Variants in GLRA2 observed in about 807,000 individuals in gnomAD.
GLRA2 encodes glycine receptor subunit alpha-2.
A neutral mutation model predicts 31.6 loss-of-function variants in GLRA2; 11 were observed. The observed-to-expected ratio is 0.35, with a 90% CI of 0.22 to 0.58. The LOEUF (loss-of-function observed/expected upper bound fraction) is 0.58. GLRA2 is among the 20% of genes least tolerant of loss of function. The probability of loss-of-function intolerance (pLI) is 0.84; values close to 1 mark genes in which losing one functional copy is unlikely to be tolerated. For synonymous variants in GLRA2, 132 were observed against 134.0 expected (o/e 0.99, Z 0.10); for missense variants, 212 against 351.8 (o/e 0.60, Z 3.18).
chrX:14,497,963 A>T, the GLRA2 span, among the ~76,000 whole-genome samples: 1 of 111,064 alleles, frequency 9.0e-6, no homozygotes, highest in Non-Finnish European at 1.9e-5. Context: ...CACAATTACA[A>T]CTCTAATATA....
intron 4 of GLRA2, among the ~76,000 whole-genome samples, chrX:14,583,328 A>G (rs1237480875): frequency 8.9e-6 from 1 of 112,856 alleles, no homozygotes; most frequent in African/African-American, 3.2e-5. Context: ...ACCCAAAGGA[A>G]TATAAATCAT....
At chrX:14,553,850 G>A (rs1168544031) in intron 2 of GLRA2, among the ~76,000 whole-genome samples, 2 of 111,837 alleles carry the variant, frequency 1.8e-5, no homozygotes, top group African/African-American at 6.5e-5. Context: ...AGTTGCTCAT[G>A]GGACAAGGCT....
At chrX:14,549,931 A>G (rs961563458) in intron 2 of GLRA2, among the ~76,000 whole-genome samples, 4 of 111,633 alleles carry the variant, frequency 3.6e-5, no homozygotes. Flanking sequence ...TGGTTAGAAA[A>G]TCTGGAGGAG....
the GLRA2 span, among the ~76,000 whole-genome samples, chrX:14,492,613 G>A: frequency 9.0e-6 from 1 of 111,476 alleles, no homozygotes; most frequent in African/African-American, 3.3e-5. Context: ...AAGTGCTGGT[G>A]AGGATGCAGA....
chrX:14,604,801 C>T (rs751768645), intron 5 of GLRA2, among the ~76,000 whole-genome samples: 1 of 110,156 alleles, frequency 9.1e-6, no homozygotes, highest in Non-Finnish European at 1.9e-5. Flanking sequence ...TTCTTTCCAT[C>T]TTATGCCCAT....
the GLRA2 span, among the ~76,000 whole-genome samples, chrX:14,473,905 G>C: frequency 2.7e-5 from 3 of 111,907 alleles, no homozygotes; most frequent in Admixed American, 2.8e-4. Context: ...TGGAAAGTGG[G>C]GGGAAATTGA....
intron 7 of GLRA2, among the ~76,000 whole-genome samples, chrX:14,616,262 C>T (rs1034408685): frequency 1.8e-5 from 2 of 111,852 alleles, no homozygotes; most frequent in Admixed American, 1.9e-4. Context: ...TGTCTTGAGT[C>T]CTCATTTGTG....
At chrX:14,725,492 A>G (rs1384947871) in intron 8 of GLRA2, among the ~76,000 whole-genome samples, 1 of 111,894 alleles carries the variant, frequency 8.9e-6, no homozygotes, top group African/African-American at 3.2e-5. Flanking sequence ...CCCAACAGAA[A>G]GGAGGCTCAG....
At chrX:14,628,144 G>T (rs926732756) in intron 7 of GLRA2, among the ~76,000 whole-genome samples, 1 of 111,272 alleles carries the variant, frequency 9.0e-6, no homozygotes, top group African/African-American at 3.3e-5. Context: ...GGGATTGCTT[G>T]TTGGGCCAGG....
the GLRA2 span, among the ~76,000 whole-genome samples, chrX:14,454,874 T>G: frequency 5.5e-3 from 620 of 112,470 alleles, 7 homozygotes; most frequent in African/African-American, 0.019. Flanking sequence ...GACTGACATT[T>G]AAACAAAATT....
At chrX:14,696,582 A>G (rs918251498) in intron 8 of GLRA2, among the ~76,000 whole-genome samples, 2 of 111,754 alleles carry the variant, frequency 1.8e-5, no homozygotes, top group Admixed American at 1.9e-4. Context: ...AATGGATGCT[A>G]AAGTCATCAA....
chrX:14,475,264 C>A, the GLRA2 span, among the ~76,000 whole-genome samples: 1 of 112,351 alleles, frequency 8.9e-6, no homozygotes, highest in Non-Finnish European at 1.9e-5. Flanking sequence ...AGCAAGCAGG[C>A]GCAACAATAA....
chrX:14,666,440 G>C (rs2091039253), intron 7 of GLRA2, among the ~76,000 whole-genome samples: 1 of 111,816 alleles, frequency 8.9e-6, no homozygotes, highest in Non-Finnish European at 1.9e-5. Flanking sequence ...GCCCCTCTCT[G>C]ATAGCATTGA....
chrX:14,717,225 G>A (rs1218215900), intron 8 of GLRA2, among the ~76,000 whole-genome samples: 2 of 109,786 alleles, frequency 1.8e-5, no homozygotes, highest in African/African-American at 6.6e-5. Context: ...GGAGGGCCTG[G>A]GTACAGAGAG....
chrX:14,499,236 A>G, the GLRA2 span, among the ~76,000 whole-genome samples: 2 of 111,735 alleles, frequency 1.8e-5, no homozygotes, highest in Non-Finnish European at 3.8e-5. Flanking sequence ...AACAGTGTAC[A>G]AGTGTTTCCC....
chrX:14,578,252 C>G (rs2089978397), intron 3 of GLRA2, among the ~76,000 whole-genome samples: 1 of 111,610 alleles, frequency 9.0e-6, no homozygotes, highest in Non-Finnish European at 1.9e-5. Flanking sequence ...TTGTTGCTAT[C>G]CAGTCTGCCC....
chrX:14,665,191 T>G (rs1199594584), intron 7 of GLRA2, among the ~76,000 whole-genome samples: 1 of 111,895 alleles, frequency 8.9e-6, no homozygotes, highest in East Asian at 2.8e-4. Flanking sequence ...TTAAAGTAAC[T>G]TGCAAGGAGT....
At chrX:14,515,417 A>G in the GLRA2 span, among the ~76,000 whole-genome samples, 1 of 111,656 alleles carries the variant, frequency 9.0e-6, no homozygotes, top group African/African-American at 3.2e-5. Flanking sequence ...GTTTTTTTAA[A>G]TCAATTTTGA....
rs1018652225 is a variant in GLRA2 at position 14,537,439 on chromosome X, C to T, written c.202+5067C>T. On this transcript the variant is annotated intron_variant, in intron 2 of 8. Coordinates refer to ENST00000218075, the MANE Select transcript of GLRA2 (RefSeq NM_002063.4). ...TCTAGAGAGGTAAAGCTCAAGGAAG[C>T]GCCTCTCTTGGGTAGTATGGTCCAT... Among the ~76,000 whole-genome samples, 7 of 111,276 alleles carry T rather than the reference C, an allele frequency of 6.3e-5. No homozygotes were observed. The South Asian group carries it at 1.5e-3, about 24-fold the overall frequency.
Sources: allele counts gnomAD v4.1 joint callset (sites outside exome capture counted in the v4.1 genomes callset), GRCh38; gene constraint gnomAD v4.1.1; transcripts MANE v1.5; gene names NCBI Gene and HGNC (gene_info 2026-07-23, HGNC 2026-07-21).